SYT8: variants seen among roughly 807,000 people sequenced by gnomAD.
The protein encoded by SYT8 is synaptotagmin-8.
Under a neutral mutation model 34.9 loss-of-function variants are expected in SYT8, and 50 were observed. The observed-to-expected ratio is 1.43, with a 90% CI of 1.14 to 1.81. The LOEUF (loss-of-function observed/expected upper bound fraction) is 1.81, where lower values mean the gene tolerates loss of function less well. Among genes scored for constraint, SYT8 ranks in the 40% most tolerant of loss-of-function variants. SYT8 has a pLI of 0.00. For missense variants in SYT8, 595 were observed against 529.0 expected (o/e 1.12, Z -1.22); for synonymous variants, 255 against 234.2 (o/e 1.09, Z -0.81).
upstream of SYT8, chr11:1,834,262 C>A (rs373171834): frequency 2.2e-4 from 108 of 501,542 alleles, no homozygotes; most frequent in East Asian, 3.6e-3. The surrounding 1 kb of genome is among the most constrained non-coding windows in gnomAD (Gnocchi z 4.5). Flanking sequence ...GGTACAGGGG[C>A]CAGCAGCTGC....
chr11:1,834,190 G>C (rs1846776378), upstream of SYT8: 1 of 345,228 alleles, frequency 2.9e-6, no homozygotes. The surrounding 1 kb of genome is among the most constrained non-coding windows in gnomAD (Gnocchi z 4.5). Flanking sequence ...TGGTTCCCCT[G>C]CCTGTAGGTG....
Position 1,835,168 on chromosome 11 carries a change from G to A in SYT8, c.63G>A (p.Gly21=). Residue 21 remains glycine, a synonymous_variant, in exon 1 of 8, where the codon GGG becomes GGA. Transcript: ENST00000341958. ...CAGCTGGCACCACAGCTATACCTGGGCTTATTCCAGACCTTGTCGCCGGGA... is the reference window on the plus strand; with the variant it reads ...CAGCTGGCACCACAGCTATACCTGGACTTATTCCAGACCTTGTCGCCGGGA... ...PAPAGTTAIP[G]LIPDLVAGTP... is the part of the protein sequence containing the mutation. The A allele has an allele frequency of 6.2e-7, 1 of 1,613,466 alleles. No individual in the cohort carries two copies. The highest frequency in any genetic ancestry group is 8.5e-7 in the Non-Finnish European group (1 of 1,179,946).
chr11:1,835,804 C>A, intron 2 of SYT8, 82 bp from the exon 3 acceptor site: 1 of 1,248,220 alleles, frequency 8.0e-7, no homozygotes, highest in Non-Finnish European at 1.2e-6. Context: ...TGACCCATGT[C>A]ATGCAAGGGC....
At chr11:1,832,475 A>G (rs1212175030), upstream of SYT8, among the ~76,000 whole-genome samples, 1 of 152,074 alleles carries the variant, frequency 6.6e-6, no homozygotes, top group African/African-American at 2.4e-5. Context: ...CAACGGGGAG[A>G]GCAGCCCCGG....
rs1364115075 is a variant in SYT8, at chr11:1,837,269, T to A, written c.1002T>A (p.Gly334=). The change falls in exon 8 of 8, where the codon GGT becomes GGA. Residue 334 remains glycine (G), a synonymous_variant. Coordinates refer to ENST00000341958, the MANE Select transcript of SYT8 (RefSeq NM_001394072.1). ...RTEPVGKVHL[G]ARASGQPLQH... ...AGCCCGTAGGCAAGGTGCACCTGGG[T>A]GCCCGGGCCTCGGGGCAGCCCCTGC... 2.1e-5 allele frequency: 34 copies of A among 1,585,268 alleles called. 1 individual carries two copies. The Admixed American group carries it at 5.7e-4, about 26-fold the overall frequency.
upstream of SYT8, chr11:1,834,183 T>C (rs1379484353): frequency 4.6e-5 from 15 of 326,906 alleles, no homozygotes. This position sits in a 1 kb window ranked among gnomAD's most constrained non-coding sequence, Gnocchi z 4.5. Flanking sequence ...AGCACCCTGG[T>C]TCCCCTGCCT....
At chr11:1,831,938 C>G (rs921698602), upstream of SYT8, 2 of 357,666 alleles carry the variant, frequency 5.6e-6, no homozygotes, top group African/African-American at 2.1e-5. Flanking sequence ...CCCCAGCACT[C>G]GGGGAAACGT....
chr11:1,832,080 A>G (rs1342648217), upstream of SYT8, among the ~76,000 whole-genome samples: 1 of 152,214 alleles, frequency 6.6e-6, no homozygotes, highest in Admixed American at 6.5e-5. Context: ...TGAAGTCTAA[A>G]GGAGGGGCTC....
chr11:1,835,634 C>A, intron 2 of SYT8, 175 bp downstream of exon 2: 1 of 823,944 alleles, frequency 1.2e-6, no homozygotes, highest in East Asian at 2.7e-5. Flanking sequence ...GGAGGCCATG[C>A]AACAGGGGCT....
rs1846878470 is a variant in SYT8, at chr11:1,835,760, C to T, written c.259-126C>T. ...ACAGAGCGAAGCCGACGATTTGTGC[C>T]TGTTGGGTGGCCTGGCCTGGAGGCG... On this transcript the variant is annotated intron_variant, in intron 2 of 7. Coordinates refer to ENST00000341958, the MANE Select transcript of SYT8 (RefSeq NM_001394072.1). 3 of 875,030 alleles carry T rather than the reference C, an allele frequency of 3.4e-6. No homozygotes were observed. The Admixed American group carries it at 7.3e-5, about 21-fold the overall frequency. 54.2% of individuals were successfully genotyped at this position (875,030 alleles called of 1,614,324 possible). A position where few individuals can be genotyped will look rare whatever the true frequency, so the allele number is the denominator to read the frequency against.
chr11:1,835,399 GC>G lies in SYT8; in HGVS notation c.201del (p.Arg68GlyfsTer57). 6.2e-7 allele frequency: 1 copy of G among 1,609,482 alleles called. No homozygotes were observed. Among genetic ancestry groups the G allele is most frequent in the Non-Finnish European group, 8.5e-7 (1 of 1,179,536 alleles). Reference sequence around the variant, plus strand: ...GCTGCTGCCGCCGCCACAGGAAGAAGCCCAGGGACAAGGAGTCCGTGGGTCT... The same window carrying G: ...GCTGCTGCCGCCGCCACAGGAAGAAGCCAGGGACAAGGAGTCCGTGGGTCT... ...CCCCRRHRKKPRDKESVGLGS... is the reference protein window; with the variant it reads ...CCCCRRHRKKXRDKESVGLGS... On this transcript the variant is annotated frameshift_variant, in exon 2 of 8. Transcript: ENST00000341958. LOFTEE classifies it high-confidence loss of function.
upstream of SYT8, chr11:1,834,648 T>C: frequency 6.4e-7 from 1 of 1,567,144 alleles, no homozygotes; most frequent in Non-Finnish European, 8.7e-7. The surrounding 1 kb of genome is among the most constrained non-coding windows in gnomAD (Gnocchi z 4.5). Flanking sequence ...AAGGAAGTGA[T>C]GGGACCGCAG....
chr11:1,835,716 G>C (rs1182957375), intron 2 of SYT8, 170 bp from the exon 3 acceptor site: 3 of 757,088 alleles, frequency 4.0e-6, no homozygotes, highest in African/African-American at 3.6e-5. Flanking sequence ...CCACGTTTTG[G>C]GTGGGTTTGG....
At chr11:1,834,359 G>A, upstream of SYT8, 2 of 593,632 alleles carry the variant, frequency 3.4e-6, no homozygotes, top group Admixed American at 2.8e-5. This position sits in a 1 kb window ranked among gnomAD's most constrained non-coding sequence, Gnocchi z 4.5. Flanking sequence ...GAGTCAGTGT[G>A]TGTGGAATGT....
intron 4 of SYT8, 67 bp from the exon 5 acceptor site, chr11:1,836,358 G>T (rs1316274771): frequency 8.0e-6 from 12 of 1,495,820 alleles, no homozygotes; most frequent in Non-Finnish European, 1.1e-5. Flanking sequence ...TGGGCAGCTG[G>T]GTGGGCCTGG....
chr11:1,833,430 C>G (rs1846742441), upstream of SYT8, among the ~76,000 whole-genome samples: 3 of 152,266 alleles, frequency 2.0e-5, no homozygotes, highest in African/African-American at 7.2e-5. Context: ...CGCATTAAAC[C>G]AAGCAGGGAC....
Position 1,835,075 on chromosome 11 carries a change from G to C in SYT8, c.-31G>C. 1 of 1,610,882 alleles carries C rather than the reference G, an allele frequency of 6.2e-7. No individual in the cohort carries two copies. Among genetic ancestry groups the C allele is most frequent in the Non-Finnish European group, 8.5e-7 (1 of 1,178,656 alleles). On this transcript the variant is annotated 5_prime_UTR_variant, in exon 1 of 8. Transcript: ENST00000341958. ...CCTCCCAGCTGACCCAGCCTCCTGG[G>C]CCGCTTCTTCCAAACCAGCAGGGTA...
upstream of SYT8, chr11:1,834,492 G>A (rs1218403605): frequency 3.0e-5 from 41 of 1,375,772 alleles, no homozygotes; most frequent in Non-Finnish European, 3.7e-5. The surrounding 1 kb of genome is among the most constrained non-coding windows in gnomAD (Gnocchi z 4.5). Flanking sequence ...AGTGAGCTCC[G>A]CCGACAGCCA....
upstream of SYT8, among the ~76,000 whole-genome samples, chr11:1,832,082 G>C (rs1474536860): frequency 6.6e-6 from 1 of 152,236 alleles, no homozygotes; most frequent in Non-Finnish European, 1.5e-5. Context: ...AAGTCTAAAG[G>C]AGGGGCTCAC....
Sources: gnomAD v4.1 joint callset for allele counts (sites outside exome capture counted in the v4.1 genomes callset) on GRCh38, gnomAD v4.1.1 for gene constraint, Gnocchi (gnomAD v3.1) non-coding constraint, MANE v1.5 for transcripts, NCBI Gene and HGNC (gene_info 2026-07-23, HGNC 2026-07-21) for gene names.